RALGAPA1: variants seen among roughly 807,000 people sequenced by gnomAD.
The protein encoded by RALGAPA1 is Ral GTPase activating protein catalytic subunit alpha 1.
Under a neutral mutation model 269.6 loss-of-function variants are expected in RALGAPA1, and 52 were observed. That is an observed-to-expected ratio of 0.19 (90% CI 0.15 to 0.24). The LOEUF (loss-of-function observed/expected upper bound fraction) is 0.24. Among genes scored for constraint, RALGAPA1 ranks in the 10% least tolerant of loss-of-function variants. The pLI is 1.00. For synonymous variants in RALGAPA1, 817 were observed against 1,008.3 expected (o/e 0.81, Z 3.60); for missense variants, 1,917 against 3,013.9 (o/e 0.64, Z 8.52).
At chr14:35,767,938 A>T (rs1210716191) in intron 4 of RALGAPA1, among the ~76,000 whole-genome samples, 1 of 151,862 alleles carries the variant, frequency 6.6e-6, no homozygotes, top group Non-Finnish European at 1.5e-5. Flanking sequence ...TCACGTCTGG[A>T]TAATTTTTGT....
chr14:35,583,061 C>G (rs983443341), intron 37 of RALGAPA1, among the ~76,000 whole-genome samples: 1 of 152,088 alleles, frequency 6.6e-6, no homozygotes, highest in African/African-American at 2.4e-5. Flanking sequence ...CAAAAAATTA[C>G]AAGACAAAAA....
At chr14:35,546,467 T>C (rs777261336) in intron 41 of RALGAPA1, among the ~76,000 whole-genome samples, 6 of 151,278 alleles carry the variant, frequency 4.0e-5, no homozygotes, top group Non-Finnish European at 5.9e-5. Flanking sequence ...ATAATAATAA[T>C]AATAATAAAT....
intron 36 of RALGAPA1, among the ~76,000 whole-genome samples, chr14:35,597,697 C>T (rs1410805286): frequency 6.6e-6 from 1 of 152,200 alleles, no homozygotes; most frequent in Non-Finnish European, 1.5e-5. Flanking sequence ...ACCCACTTCA[C>T]TCCTACTCTA....
intron 35 of RALGAPA1, among the ~76,000 whole-genome samples, chr14:35,621,401 A>G (rs2060617335): frequency 6.6e-6 from 1 of 152,196 alleles, no homozygotes. Context: ...ACCTAAAACC[A>G]TCAAAACCCT....
chr14:35,686,753 T>C, intron 18 of RALGAPA1, 87 bp from the exon 19 acceptor site: 1 of 622,208 alleles, frequency 1.6e-6, no homozygotes, highest in Non-Finnish European at 2.5e-6. Flanking sequence ...CAAAACAAAG[T>C]ACCTTTGCCA....
chr14:35,611,217 C>T (rs768208871), intron 35 of RALGAPA1, among the ~76,000 whole-genome samples: 1 of 151,744 alleles, frequency 6.6e-6, no homozygotes, highest in East Asian at 1.9e-4. Context: ...AGCCTGGGGC[C>T]GGGCATGGTG....
At chr14:35,785,171 T>A (rs541606244) in intron 1 of RALGAPA1, among the ~76,000 whole-genome samples, 1 of 152,356 alleles carries the variant, frequency 6.6e-6, no homozygotes, top group Admixed American at 6.5e-5. Flanking sequence ...ACATATGGTA[T>A]CTGGAAATTT....
Position 35,655,864 on chromosome 14 carries a change from A to G in RALGAPA1, c.5439T>C (p.His1813=). The G allele has an allele frequency of 1.2e-6, 2 of 1,613,566 alleles. No homozygotes were observed. The highest frequency in any genetic ancestry group is 1.7e-6 in the Non-Finnish European group (2 of 1,179,676). Residue 1813 remains histidine (H), a synonymous_variant, in exon 29 of 42, where the codon CAT becomes CAC. Transcript: ENST00000680220. ...LGIWICEELV[H]ESHHPQIKEA... ...CCTTAATTTGAGGATGATGAGACTC[A>G]TGGACTAGTTCTTCACAAATCCAAA...
intron 39 of RALGAPA1, among the ~76,000 whole-genome samples, chr14:35,559,852 T>C (rs918055208): frequency 2.0e-5 from 3 of 152,182 alleles, no homozygotes; most frequent in African/African-American, 7.2e-5. Context: ...AAGTATCTCA[T>C]AGGAAAAGTG....
intron 30 of RALGAPA1, among the ~76,000 whole-genome samples, chr14:35,653,114 T>C (rs971405709): frequency 6.6e-6 from 1 of 152,192 alleles, no homozygotes; most frequent in East Asian, 1.9e-4. Flanking sequence ...CTTACAGACC[T>C]GGGTCTGAGT....
chr14:35,548,674 TTA>T (rs1488366475), intron 40 of RALGAPA1, 136 bp from the exon 41 acceptor site: 3 of 558,642 alleles, frequency 5.4e-6, no homozygotes, highest in Non-Finnish European at 9.3e-6. Flanking sequence ...CACTCTTTAA[TTA>T]TTGTAACATA....
At chr14:35,540,562 A>G (rs2053876291) in intron 41 of RALGAPA1, among the ~76,000 whole-genome samples, 1 of 152,254 alleles carries the variant, frequency 6.6e-6, no homozygotes. Context: ...ATATGCAGCA[A>G]TACTACAGAA....
chr14:35,709,004 T>C (rs1417930228), intron 16 of RALGAPA1, among the ~76,000 whole-genome samples: 5 of 152,248 alleles, frequency 3.3e-5, no homozygotes, highest in African/African-American at 9.6e-5. Flanking sequence ...CTCTCACTTA[T>C]CTGTGGGAGC....
intron 41 of RALGAPA1, among the ~76,000 whole-genome samples, chr14:35,541,314 G>A (rs2053973674): frequency 6.6e-6 from 1 of 151,820 alleles, no homozygotes; most frequent in Admixed American, 6.6e-5. Context: ...CAAAGTGCTG[G>A]GATTGCAGGC....
At chr14:35,777,504 T>C (rs933393444) in intron 1 of RALGAPA1, among the ~76,000 whole-genome samples, 6 of 152,204 alleles carry the variant, frequency 3.9e-5, no homozygotes, top group African/African-American at 1.4e-4. Flanking sequence ...CTTCCTACTA[T>C]TCCAAATTGT....
Position 35,752,285 on chromosome 14 carries a change from A to G in RALGAPA1, c.664-123T>C. 4 of 1,096,896 alleles carry G rather than the reference A, an allele frequency of 3.6e-6. No homozygotes were observed. In the South Asian group the frequency reaches 6.6e-5, roughly 18 times the overall value. The allele number at this position is 1,096,896 out of a possible 1,614,324, so 67.9% of individuals were successfully genotyped here. On this transcript the variant is annotated intron_variant, in intron 7 of 41. Coordinates refer to ENST00000680220, the MANE Select transcript of RALGAPA1 (RefSeq NM_001346249.2). ...CACTGAACTGTTAACACTAAAGATC[A>G]TGATACATAGCATAAGGACAAATCT...
chr14:35,727,443 T>C (rs2070068060), intron 13 of RALGAPA1, among the ~76,000 whole-genome samples: 1 of 150,446 alleles, frequency 6.6e-6, no homozygotes, highest in African/African-American at 2.4e-5. Flanking sequence ...ACCTTTGAGC[T>C]TTTTTCTTTT....
intron 36 of RALGAPA1, 54 bp from the exon 37 acceptor site, chr14:35,595,843 C>T (rs2058900883): frequency 1.4e-6 from 2 of 1,424,382 alleles, no homozygotes; most frequent in Non-Finnish European, 1.9e-6. Context: ...AAATACACTA[C>T]AGAGAAAGAC....
chr14:35,679,450 C>T (rs1323775754), intron 21 of RALGAPA1, among the ~76,000 whole-genome samples: 1 of 152,238 alleles, frequency 6.6e-6, no homozygotes, highest in African/African-American at 2.4e-5. Context: ...ATAGCTTAGC[C>T]TAGCCTACCC....
Sources: gnomAD v4.1 joint callset for allele counts (sites outside exome capture counted in the v4.1 genomes callset) on GRCh38, gnomAD v4.1.1 for gene constraint, MANE v1.5 for transcripts, NCBI Gene and HGNC (gene_info 2026-07-23, HGNC 2026-07-21) for gene names.